Variants in ISG20L2 observed in about 807,000 individuals in gnomAD.
The protein encoded by ISG20L2 is interferon-stimulated 20 kDa exonuclease-like 2.
ISG20L2 carries 14 observed loss-of-function variants against 27.8 expected under a neutral mutation model. The ratio of observed to expected loss-of-function variants is 0.50; its 90% CI spans 0.33 to 0.79. The LOEUF (loss-of-function observed/expected upper bound fraction) is 0.79, where lower values mean the gene tolerates loss of function less well. ISG20L2 is among the 30% of genes least tolerant of loss of function. ISG20L2 has a pLI of 0.02. For missense variants in ISG20L2, 393 were observed against 435.1 expected (o/e 0.90, Z 0.86); for synonymous variants, 157 against 165.7 (o/e 0.95, Z 0.40).
In ISG20L2 at chr1:156,726,543, T is replaced by G. The variant is rs115796623; in HGVS notation, c.747+363A>C. 9.1e-4 allele frequency: 665 copies of G among 731,880 alleles called. 9 individuals are homozygous for G. The African/African-American group carries it at 0.012, about 13-fold the overall frequency. The allele number at this position is 731,880 out of a possible 1,614,324, so 45.3% of individuals were successfully genotyped here. On this transcript the variant is annotated intron_variant, in intron 2 of 3. Transcript: ENST00000368219. ...TCCTGAGTAGCTGGGACTACAGGCA[T>G]GTACCACACTTGGCTAACTTTTTTG... is the stretch of plus-strand genomic sequence containing the variant.
intron 2 of ISG20L2, chr1:156,725,850 G>C (rs1421751526): frequency 1.0e-6 from 1 of 984,126 alleles, no homozygotes. Context: ...AAAATAGTCA[G>C]TCACCTCACC....
chr1:156,726,810 C>T, intron 2 of ISG20L2, 96 bp downstream of exon 2: 2 of 1,512,782 alleles, frequency 1.3e-6, no homozygotes, highest in Non-Finnish European at 1.8e-6. Context: ...CCTCCACAAA[C>T]GTTGGTGTCT....
chr1:156,723,295 G>C lies in ISG20L2; in HGVS notation c.*54C>G, dbSNP rs752899443. 2.5e-6 allele frequency: 4 copies of C among 1,609,234 alleles called. No homozygotes were observed. The highest frequency in any genetic ancestry group is 1.7e-5 in the Admixed American group (1 of 59,874). ...GAGCTGTCCATTGGTCCACTGCCCT[G>C]TTTCTCCTGGGTGCTGCCTCTGCCT... is the stretch of plus-strand genomic sequence containing the variant. On this transcript the variant is annotated 3_prime_UTR_variant, in exon 4 of 4. Coordinates refer to ENST00000368219, the MANE Select transcript of ISG20L2 (RefSeq NM_001370150.2).
chr1:156,723,820 G>T, intron 3 of ISG20L2: 1 of 1,241,898 alleles, frequency 8.1e-7, no homozygotes, highest in South Asian at 2.1e-5. Flanking sequence ...CTGCCAGATG[G>T]GCCACCCTTT....
chr1:156,724,205 C>G lies in ISG20L2; in HGVS notation c.891G>C (p.Glu297Asp). 1 of 1,613,668 alleles carries G rather than the reference C, an allele frequency of 6.2e-7. No individual in the cohort carries two copies. The change falls in exon 3 of 4, where the codon GAG (glutamate) becomes GAC (aspartate). Residue 297 changes from glutamate to aspartate, a missense_variant. By Grantham distance (45) the Glu-to-Asp change is conservative (BLOSUM62 2). Coordinates refer to ENST00000368219, the MANE Select transcript of ISG20L2 (RefSeq NM_001370150.2). Reference sequence around the variant, plus strand: ...GATGCTTCAGAGACATGGTGGCATTCTCCGGGCAGTCAGCCTTCCGGTTGA... The same window carrying G: ...GATGCTTCAGAGACATGGTGGCATTGTCCGGGCAGTCAGCCTTCCGGTTGA... ...PPLNRKADCPENATMSLKHLT... is the reference protein window; with the variant it reads ...PPLNRKADCPDNATMSLKHLT...
intron 2 of ISG20L2, chr1:156,726,226 GC>G: frequency 1.4e-5 from 14 of 985,310 alleles, no homozygotes; most frequent in Non-Finnish European, 1.7e-5. Context: ...TTCCGCACTT[GC>G]CCCAGGCTAC....
At chr1:156,726,875 C>T (rs756050553) in intron 2 of ISG20L2, 31 bp downstream of exon 2, 2 of 1,590,292 alleles carry the variant, frequency 1.3e-6, no homozygotes, top group South Asian at 2.3e-5. Context: ...CCATCCACCT[C>T]CCTGCCACCA....
intron 2 of ISG20L2, chr1:156,726,118 T>A: frequency 1.0e-6 from 1 of 985,476 alleles, no homozygotes; most frequent in Non-Finnish European, 1.2e-6. Context: ...GTGCCGGCCC[T>A]GTGCCGTTTA....
intron 3 of ISG20L2, chr1:156,723,935 AC>A: frequency 7.5e-7 from 1 of 1,326,404 alleles, no homozygotes; most frequent in Non-Finnish European, 9.8e-7. Flanking sequence ...TTTTATATCT[AC>A]TTAGGACTTT....
At position 156,727,382 on chromosome 1, in the gene ISG20L2, G is replaced by A; in HGVS notation, c.271C>T (p.Pro91Ser). 6.2e-7 allele frequency: 1 copy of A among 1,614,198 alleles called. No individual in the cohort carries two copies. Among genetic ancestry groups the A allele is most frequent in the South Asian group, 1.1e-5 (1 of 91,084 alleles). The change falls in exon 2 of 4, where the codon CCC becomes TCC. Residue 91 changes from proline (P) to serine (S), a missense_variant. This residue lies in a region of ISG20L2 where 183 missense variants were observed against 168.2 expected (regional missense o/e 1.09). Coordinates refer to ENST00000368219, the MANE Select transcript of ISG20L2 (RefSeq NM_001370150.2). Reference protein sequence around the residue: ...TAASSNGSGQPLDKKAAVSWL... With the variant: ...TAASSNGSGQSLDKKAAVSWL... The stretch of plus-strand genomic sequence containing the variant: ...GACACTGCAGCTTTCTTGTCCAGGG[G>A]CTGTCCTGACCCATTGCTGGAAGCA...
Position 156,724,454 on chromosome 1 carries a change from A to G in ISG20L2, c.748-106T>C, listed in dbSNP as rs376730745. On this transcript the variant is annotated intron_variant, in intron 2 of 3. Transcript: ENST00000368219. ...CAATCCCTTCTGGATTCTTTCACCA[A>G]CTGCCTACCTCTCCATCCTTGAAAT... is the stretch of plus-strand genomic sequence containing the variant. 7.4e-5 allele frequency: 103 copies of G among 1,388,902 alleles called. 1 individual carries two copies. The African/African-American group carries it at 1.2e-3, about 16-fold the overall frequency. 86.0% of individuals were successfully genotyped at this position (1,388,902 alleles called of 1,614,324 possible).
chr1:156,724,225 G>C lies in ISG20L2; in HGVS notation c.871C>G (p.Arg291Gly), dbSNP rs200460667. ...RDTSHIPPLN[R>G]KADCPENATM... is the part of the protein sequence containing the mutation. ...GCATTCTCCGGGCAGTCAGCCTTCC[G>C]GTTGAGGGGGGGGATATGGGAGGTG... Residue 291 changes from arginine (R) to glycine (G), a missense_variant, in exon 3 of 4, where the codon CGG (arginine) becomes GGG (glycine). Around this residue, in one of 3 missense-constraint regions of ISG20L2, gnomAD observed 171 missense variants for 195.3 expected, o/e 0.88. Transcript: ENST00000368219. The C allele has an allele frequency of 6.2e-7, 1 of 1,613,880 alleles. No individual in the cohort carries two copies. Among genetic ancestry groups the C allele is most frequent in the Non-Finnish European group, 8.5e-7 (1 of 1,179,996 alleles).
At chr1:156,727,975 A>T (rs1383958563) in intron 1 of ISG20L2, 2 of 1,096,348 alleles carry the variant, frequency 1.8e-6, no homozygotes, top group East Asian at 1.2e-4. Flanking sequence ...TTCACCAGCC[A>T]TTTGGTCTTA....
intron 3 of ISG20L2, chr1:156,723,859 G>A (rs958187626): frequency 1.6e-4 from 203 of 1,261,152 alleles, no homozygotes; most frequent in Admixed American, 2.5e-4. Context: ...AAATACGAGC[G>A]GTCCTTGCAT....
chr1:156,725,355 G>A (rs537633213), intron 2 of ISG20L2: 1 of 152,302 alleles, frequency 6.6e-6, no homozygotes, highest in East Asian at 1.9e-4. Flanking sequence ...AAACTCCTGA[G>A]TAGCTGGGAT....
chr1:156,728,283 C>T (rs958319467), intron 1 of ISG20L2, 132 bp downstream of exon 1: 9 of 985,756 alleles, frequency 9.1e-6, no homozygotes, highest in Non-Finnish European at 9.6e-6. Context: ...TCACCCAAGT[C>T]CTTCTCCCAC....
rs761558950 is a variant in ISG20L2 at position 156,724,230 on chromosome 1, A to AG, written c.865dup (p.Leu289ProfsTer6). On this transcript the variant is annotated frameshift_variant, in exon 3 of 4. Transcript: ENST00000368219. LOFTEE classifies it high-confidence loss of function. ...CTCCGGGCAGTCAGCCTTCCGGTTG[A>AG]GGGGGGGGATATGGGAGGTGTCACG... 43 of 1,598,472 alleles carry AG rather than the reference A, an allele frequency of 2.7e-5. No individual in the cohort carries two copies. The highest frequency in any genetic ancestry group is 5.5e-5 in the South Asian group (5 of 90,554).
intron 3 of ISG20L2, chr1:156,723,924 G>T: frequency 7.5e-7 from 1 of 1,331,162 alleles, no homozygotes; most frequent in Non-Finnish European, 9.7e-7. Flanking sequence ...CTTAGTTAGG[G>T]TTTTATATCT....
At position 156,727,602 on chromosome 1, in the gene ISG20L2, C is replaced by T. The variant is rs777254121; in HGVS notation, c.51G>A (p.Lys17=). Residue 17 remains lysine (K), a synonymous_variant, in exon 2 of 4, where the codon AAG becomes AAA. Transcript: ENST00000368219. The part of the protein sequence containing the change: ...NLDFGEPPPK[K]ALEGNAKHRN... ...GGTGCTTGGCATTTCCTTCTAATGCCTTTTTGGGAGGAGGTTCCCCAAAAT... is the reference window on the plus strand; with the variant it reads ...GGTGCTTGGCATTTCCTTCTAATGCTTTTTTGGGAGGAGGTTCCCCAAAAT... 1 of 1,613,842 alleles carries T rather than the reference C, an allele frequency of 6.2e-7. No homozygotes were observed. Among genetic ancestry groups the T allele is most frequent in the Non-Finnish European group, 8.5e-7 (1 of 1,179,986 alleles).
Sources: allele counts gnomAD v4.1 joint callset, GRCh38; gene constraint gnomAD v4.1.1; regional missense constraint gnomAD v4.1.1; transcripts MANE v1.5; gene names NCBI Gene and HGNC (gene_info 2026-07-23, HGNC 2026-07-21).